LCMT2: variants seen among roughly 807,000 people sequenced by gnomAD.
LCMT2 encodes the protein leucine carboxyl methyltransferase 2, also known as tRNA wybutosine-synthesizing protein 4.
A neutral mutation model predicts 42.0 loss-of-function variants in LCMT2; 34 were observed. The observed-to-expected ratio is 0.81, with a 90% CI of 0.62 to 1.08. LCMT2 has a LOEUF of 1.08. Ranked by LOEUF, LCMT2 falls within the 50% of genes least tolerant of loss-of-function variation. LCMT2 has a pLI of 0.00. For synonymous variants in LCMT2, 445 were observed against 369.5 expected (o/e 1.20, Z -2.34); for missense variants, 1,091 against 889.4 (o/e 1.23, Z -2.88).
rs756129136 is a variant in LCMT2, at chr15:43,330,348, G to A, written c.142C>T (p.Arg48Cys). The A allele has an allele frequency of 2.5e-6, 4 of 1,601,842 alleles. No individual in the cohort carries two copies. Among genetic ancestry groups the A allele is most frequent in the Non-Finnish European group, 3.4e-6 (4 of 1,178,016 alleles). Residue 48 changes from arginine to cysteine, a missense_variant, in exon 1 of 1, where the codon CGC becomes TGC. Arg to Cys is a radical substitution (Grantham distance 180, BLOSUM62 -3). Transcript: ENST00000305641. The stretch of plus-strand genomic sequence containing the variant: ...TAGCCTCGGTGAATGAGCGGTGCGC[G>A]GCGCGCCGCGCCCGGAACCAGCAAC... The part of the protein sequence containing the change: ...AALLVPGAAR[R>C]APLIHRGYYV...
rs1410065076 is a variant in LCMT2 at position 43,330,213 on chromosome 15, C to A, written c.277G>T (p.Asp93Tyr). ...GTTTTTAAGCGAAAATAGAGCGAGT[C>A]GAAGCCAGCGCCGAGAGACAAGATC... ...AQILSLGAGF[D>Y]SLYFRLKTAG... Residue 93 changes from aspartate (D) to tyrosine (Y), a missense_variant, in exon 1 of 1, where the codon GAC becomes TAC. Coordinates refer to ENST00000305641, the MANE Select transcript of LCMT2 (RefSeq NM_014793.5). The A allele has an allele frequency of 6.2e-7, 1 of 1,611,284 alleles. No individual in the cohort carries two copies. The highest frequency in any genetic ancestry group is 8.5e-7 in the Non-Finnish European group (1 of 1,179,786).
chr15:43,329,773 GT>G lies in LCMT2; in HGVS notation c.716del (p.Asn239ThrfsTer33). On this transcript the variant is annotated frameshift_variant, in exon 1 of 1. Coordinates refer to ENST00000305641, the MANE Select transcript of LCMT2 (RefSeq NM_014793.5). LOFTEE classifies it high-confidence loss of function. Reference sequence around the variant, plus strand: ...AACGCTCCAGGCCATGCAGGGGGGAGTTTAGCTGCCGAAAATGTTGCAGCAT... The same window carrying G: ...AACGCTCCAGGCCATGCAGGGGGGAGTTAGCTGCCGAAAATGTTGCAGCAT... ...QFMLQHFRQLNSPLHGLERFP... is the reference protein window; with the variant it reads ...QFMLQHFRQLXSPLHGLERFP... The G allele has an allele frequency of 1.9e-6, 3 of 1,613,810 alleles. No individual in the cohort carries two copies. The highest frequency in any genetic ancestry group is 1.7e-6 in the Non-Finnish European group (2 of 1,180,040).
At position 43,329,393 on chromosome 15, in the gene LCMT2, C is replaced by T. The variant is rs766045432; in HGVS notation, c.1097G>A (p.Ser366Asn). The change falls in exon 1 of 1, where the codon AGC (serine) becomes AAC (asparagine). Residue 366 changes from serine to asparagine, a missense_variant. Physicochemically the swap from Ser to Asn is conservative, Grantham distance 46 (BLOSUM62 1). Coordinates refer to ENST00000305641, the MANE Select transcript of LCMT2 (RefSeq NM_014793.5). ...TCCTGCACTGAGAATAACGTCTGGG[C>T]TCAAGAAGACAGAGGCGTGGCCATA... ...KRYGHASVFL[S>N]PDVILSAGGF... 6.2e-6 allele frequency: 10 copies of T among 1,614,132 alleles called. No homozygotes were observed. In the South Asian group the frequency reaches 9.9e-5, roughly 16 times the overall value.
In LCMT2 at chr15:43,324,862, T is replaced by A. The variant is rs1345907769; in HGVS notation, c.*3567A>T. The A allele has an allele frequency of 6.6e-6, 1 of 152,170 alleles. No individual in the cohort carries two copies. Among genetic ancestry groups the A allele is most frequent in the Non-Finnish European group, 1.5e-5 (1 of 68,060 alleles). The allele number at this position is 152,170 out of a possible 1,614,324, so 9.4% of individuals were successfully genotyped here. ...CATGGGCTGCTTGAGGTTGGGTTTGTGATCACAAAATACATATGGAATAAG... is the reference window on the plus strand; with the variant it reads ...CATGGGCTGCTTGAGGTTGGGTTTGAGATCACAAAATACATATGGAATAAG... On this transcript the variant is annotated 3_prime_UTR_variant, in exon 1 of 1. Coordinates refer to ENST00000305641, the MANE Select transcript of LCMT2 (RefSeq NM_014793.5).
At position 43,330,362 on chromosome 15, in the gene LCMT2, G is replaced by T. The variant is rs1025549028; in HGVS notation, c.128C>A (p.Pro43Gln). The T allele has an allele frequency of 6.5e-7, 1 of 1,529,314 alleles. No homozygotes were observed. The highest frequency in any genetic ancestry group is 8.8e-7 in the Non-Finnish European group (1 of 1,133,942). 94.7% of individuals were successfully genotyped at this position (1,529,314 alleles called of 1,614,324 possible). ...GAGCGGTGCGCGGCGCGCCGCGCCC[G>T]GAACCAGCAACGCGGCAAAGGGGTC... ...VQDPFAALLV[P>Q]GAARRAPLIH... Residue 43 changes from proline (P) to glutamine (Q), a missense_variant, in exon 1 of 1, where the codon CCG becomes CAG. By Grantham distance (76) the Pro-to-Gln change is moderately conservative. Transcript: ENST00000305641.
Position 43,330,251 on chromosome 15 carries a change from G to A in LCMT2, c.239C>T (p.Ala80Val), listed in dbSNP as rs1350151964. 7 of 1,603,358 alleles carry A rather than the reference G, an allele frequency of 4.4e-6. No individual in the cohort carries two copies. The South Asian group carries it at 4.4e-5, about 10-fold the overall frequency. ...GAGAGACAAGATCTGCGCGCGAAGC[G>A]CGGCCTGGGGCGCGCCAATCTGCTC... Reference protein sequence around the residue: ...FLEQIGAPQAALRAQILSLGA... With the variant: ...FLEQIGAPQAVLRAQILSLGA... Residue 80 changes from alanine (A) to valine (V), a missense_variant, in exon 1 of 1, where the codon GCG becomes GTG. Coordinates refer to ENST00000305641, the MANE Select transcript of LCMT2 (RefSeq NM_014793.5).
chr15:43,329,131 CTT>C lies in LCMT2; in HGVS notation c.1357_1358del (p.Lys453GlufsTer2). ...GGTCCTCAGTGTTATTATCCTCACT[CTT>C]AAAAAAATGAAGCTGGAGAACCCCC... ...ALGVLQLHFF[K>X]SEDNNTEDLK... On this transcript the variant is annotated frameshift_variant, in exon 1 of 1. Coordinates refer to ENST00000305641, the MANE Select transcript of LCMT2 (RefSeq NM_014793.5). LOFTEE classifies it high-confidence loss of function. The C allele has an allele frequency of 1.9e-6, 3 of 1,614,072 alleles. No individual in the cohort carries two copies. Among genetic ancestry groups the C allele is most frequent in the Non-Finnish European group, 2.5e-6 (3 of 1,180,036 alleles).
chr15:43,328,387 T>C lies in LCMT2; in HGVS notation c.*42A>G. On this transcript the variant is annotated 3_prime_UTR_variant, in exon 1 of 1. Transcript: ENST00000305641. Reference sequence around the variant, plus strand: ...GAGGGTCATCCTATTTGTGGAAAACTTTATTGTCTACTTTAGTGGGTCCTG... The same window carrying C: ...GAGGGTCATCCTATTTGTGGAAAACCTTATTGTCTACTTTAGTGGGTCCTG... The C allele has an allele frequency of 2.6e-6, 4 of 1,565,108 alleles. No individual in the cohort carries two copies. The highest frequency in any genetic ancestry group is 3.5e-6 in the Non-Finnish European group (4 of 1,156,904).
At position 43,328,707 on chromosome 15, in the gene LCMT2, T is replaced by C. The variant is rs1264795019; in HGVS notation, c.1783A>G (p.Asn595Asp). 1.9e-6 allele frequency: 3 copies of C among 1,614,156 alleles called. No homozygotes were observed. The highest frequency in any genetic ancestry group is 2.2e-5 in the South Asian group (2 of 91,082). ...PRYSHTAHVL[N>D]GKLLLVGGIW... ...CCTCCAACCAGTAACAGCTTTCCAT[T>C]GAGCACATGAGCTGTGTGGGAGTAC... is the stretch of plus-strand genomic sequence containing the variant. Residue 595 changes from asparagine (N) to aspartate (D), a missense_variant, in exon 1 of 1, where the codon AAT becomes GAT. Transcript: ENST00000305641.
chr15:43,329,761 A>G lies in LCMT2; in HGVS notation c.729T>C (p.His243=). Residue 243 remains histidine (H), a synonymous_variant, in exon 1 of 1, where the codon CAT becomes CAC. Transcript: ENST00000305641. ...QHFRQLNSPL[H]GLERFPDVEA... ...CCACGTCAGGAAAACGCTCCAGGCC[A>G]TGCAGGGGGGAGTTTAGCTGCCGAA... 1 of 1,613,738 alleles carries G rather than the reference A, an allele frequency of 6.2e-7. No homozygotes were observed. Among genetic ancestry groups the G allele is most frequent in the Non-Finnish European group, 8.5e-7 (1 of 1,180,032 alleles).
At position 43,327,869 on chromosome 15, in the gene LCMT2, A is replaced by G. The variant is rs2043126242; in HGVS notation, c.*560T>C. 6.5e-6 allele frequency: 1 copy of G among 153,388 alleles called. No individual in the cohort carries two copies. 9.5% of individuals were successfully genotyped at this position (153,388 alleles called of 1,614,324 possible). On this transcript the variant is annotated 3_prime_UTR_variant, in exon 1 of 1. Coordinates refer to ENST00000305641, the MANE Select transcript of LCMT2 (RefSeq NM_014793.5). ...ATTTAAAAAGTATGTTGGTAAAGGA[A>G]GTCCTACAAGTGTTTCCTGTTGTTA...
chr15:43,328,859 C>T lies in LCMT2; in HGVS notation c.1631G>A (p.Gly544Glu), dbSNP rs769572805. 27 of 1,613,714 alleles carry T rather than the reference C, an allele frequency of 1.7e-5. No homozygotes were observed. In the Admixed American group the frequency reaches 3.5e-4, roughly 21 times the overall value. The change falls in exon 1 of 1, where the codon GGG becomes GAG. Residue 544 changes from glycine (G) to glutamate (E), a missense_variant. Coordinates refer to ENST00000305641, the MANE Select transcript of LCMT2 (RefSeq NM_014793.5). Reference protein sequence around the residue: ...RHSHSACTWQGGALIAGGLGA... With the variant: ...RHSHSACTWQEGALIAGGLGA... ...GAGACCTCCAGCAATAAGGGCTCCC[C>T]CTTGCCAAGTGCAGGCACTGTGAGA...
Position 43,328,150 on chromosome 15 carries a change from G to T in LCMT2, c.*279C>A. ...TGGGAAATTGTTTTACTTTACTAAA[G>T]ACCACTGTAACTCAATAAACGAACT... On this transcript the variant is annotated 3_prime_UTR_variant, in exon 1 of 1. Coordinates refer to ENST00000305641, the MANE Select transcript of LCMT2 (RefSeq NM_014793.5). 1 of 351,632 alleles carries T rather than the reference G, an allele frequency of 2.8e-6. No homozygotes were observed. The highest frequency in any genetic ancestry group is 5.2e-6 in the Non-Finnish European group (1 of 194,132). 21.8% of individuals were successfully genotyped at this position (351,632 alleles called of 1,614,324 possible). A position where few individuals can be genotyped will look rare whatever the true frequency, so the allele number is the denominator to read the frequency against.
rs1390489012 is a variant in LCMT2, at chr15:43,326,455, T to A, written c.*1974A>T. ...GAAAGCTGAAGTTGGACAACAACCT[T>A]TTTTTTTTTTCTTTTTAAGAGACGG... On this transcript the variant is annotated 3_prime_UTR_variant, in exon 1 of 1. Coordinates refer to ENST00000305641, the MANE Select transcript of LCMT2 (RefSeq NM_014793.5). 1 of 110,468 alleles carries A rather than the reference T, an allele frequency of 9.1e-6. No homozygotes were observed. Among genetic ancestry groups the A allele is most frequent in the African/African-American group, 2.9e-5 (1 of 34,308 alleles). 6.8% of individuals were successfully genotyped at this position (110,468 alleles called of 1,614,324 possible).
chr15:43,329,285 C>T lies in LCMT2; in HGVS notation c.1205G>A (p.Gly402Asp), dbSNP rs144228208. The stretch of plus-strand genomic sequence containing the variant: ...AGTCCCACAACTGCCTATTTGGCTG[C>T]CTTTCCATTCAGAGTCACAATCTCT... ...LSRDCDSEWK[G>D]SQIGSCGTGV... The change falls in exon 1 of 1, where the codon GGC (glycine) becomes GAC (aspartate). Residue 402 changes from glycine (G) to aspartate (D), a missense_variant. Transcript: ENST00000305641. The T allele has an allele frequency of 3.3e-4, 533 of 1,613,972 alleles. No individual in the cohort carries two copies. The highest frequency in any genetic ancestry group is 4.3e-4 in the Non-Finnish European group (505 of 1,180,052).
rs774941036 is a variant in LCMT2 at position 43,329,711 on chromosome 15, T to G, written c.779A>C (p.Gln260Pro). ...GGCACCGCAGGCGGTCCAGCCAGCT[T>G]GAAGGAAGCGGCGCCGCTGCGCCTC... Reference protein sequence around the residue: ...DVEAQRRRFLQAGWTACGAVD... With the variant: ...DVEAQRRRFLPAGWTACGAVD... The change falls in exon 1 of 1, where the codon CAA becomes CCA. Residue 260 changes from glutamine to proline, a missense_variant. Coordinates refer to ENST00000305641, the MANE Select transcript of LCMT2 (RefSeq NM_014793.5). 2 of 1,613,384 alleles carry G rather than the reference T, an allele frequency of 1.2e-6. No homozygotes were observed. The highest frequency in any genetic ancestry group is 4.5e-5 in the East Asian group (2 of 44,876).
chr15:43,330,020 A>G lies in LCMT2; in HGVS notation c.470T>C (p.Ile157Thr). ...ALCFESADYC[I>T]LGLDLRQLQR... is the part of the protein sequence containing the mutation. ...GAGCTGCCGCAAGTCCAGACCCAGGATGCAGTAGTCTGCGCTCTCAAAGCA... is the reference window on the plus strand; with the variant it reads ...GAGCTGCCGCAAGTCCAGACCCAGGGTGCAGTAGTCTGCGCTCTCAAAGCA... The change falls in exon 1 of 1, where the codon ATC (isoleucine) becomes ACC (threonine). Residue 157 changes from isoleucine (I) to threonine (T), a missense_variant. Physicochemically the swap from Ile to Thr is moderately conservative, Grantham distance 89. Transcript: ENST00000305641. 6.2e-7 allele frequency: 1 copy of G among 1,612,692 alleles called. No homozygotes were observed. Among genetic ancestry groups the G allele is most frequent in the Non-Finnish European group, 8.5e-7 (1 of 1,179,928 alleles).
Position 43,329,704 on chromosome 15 carries a change from G to A in LCMT2, c.786C>T (p.Gly262=). ...EAQRRRFLQA[G]WTACGAVDMN... is the part of the protein sequence containing the mutation. ...TGTCCACGGCACCGCAGGCGGTCCAGCCAGCTTGAAGGAAGCGGCGCCGCT... is the reference window on the plus strand; with the variant it reads ...TGTCCACGGCACCGCAGGCGGTCCAACCAGCTTGAAGGAAGCGGCGCCGCT... The change falls in exon 1 of 1, where the codon GGC becomes GGT. Residue 262 remains glycine (G), a synonymous_variant. Coordinates refer to ENST00000305641, the MANE Select transcript of LCMT2 (RefSeq NM_014793.5). 1 of 1,613,514 alleles carries A rather than the reference G, an allele frequency of 6.2e-7. No individual in the cohort carries two copies. The highest frequency in any genetic ancestry group is 8.5e-7 in the Non-Finnish European group (1 of 1,179,916).
rs752228076 is a variant in LCMT2 at position 43,330,144 on chromosome 15, G to C, written c.346C>G (p.Pro116Ala). Residue 116 changes from proline to alanine, a missense_variant, in exon 1 of 1, where the codon CCG becomes GCG. By Grantham distance (27) the Pro-to-Ala change is conservative. Coordinates refer to ENST00000305641, the MANE Select transcript of LCMT2 (RefSeq NM_014793.5). ...TCTGCTTTGCGCCGCGCCACGTCCGGAAAATCCACCTCCCAGACTGCAGCC... is the reference window on the plus strand; with the variant it reads ...TCTGCTTTGCGCCGCGCCACGTCCGCAAAATCCACCTCCCAGACTGCAGCC... ...ARAAVWEVDFPDVARRKAERI... is the reference protein window; with the variant it reads ...ARAAVWEVDFADVARRKAERI... The C allele has an allele frequency of 2.5e-6, 4 of 1,611,394 alleles. No homozygotes were observed. In the African/African-American group the frequency reaches 5.4e-5, roughly 22 times the overall value.
Sources: gnomAD v4.1 joint callset for allele counts on GRCh38, gnomAD v4.1.1 for gene constraint, MANE v1.5 for transcripts, NCBI Gene and HGNC (gene_info 2026-07-23, HGNC 2026-07-21) for gene names.